Variants in CLDN14 observed in about 807,000 individuals in gnomAD.
CLDN14 encodes the protein claudin 14.
Under a neutral mutation model 2.1 loss-of-function variants are expected in CLDN14, and 2 were observed. The ratio of observed to expected loss-of-function variants is 0.96; its 90% CI spans 0.39 to 3.01. The LOEUF (loss-of-function observed/expected upper bound fraction) is 3.01. Among genes scored for constraint, CLDN14 ranks in the 30% most tolerant of loss-of-function variants. CLDN14 has a pLI of 0.09. For synonymous variants in CLDN14, 136 were observed against 154.4 expected (o/e 0.88, Z 0.88); for missense variants, 298 against 328.0 (o/e 0.91, Z 0.71).
At chr21:36,504,815 G>A (rs575401982) in intron 2 of CLDN14, among the ~76,000 whole-genome samples, 2 of 152,312 alleles carry the variant, frequency 1.3e-5, no homozygotes, top group East Asian at 3.9e-4. Flanking sequence ...GAAAGAGTAT[G>A]ACATCTTCTG....
At chr21:36,557,604 G>T (rs2087607937) in intron 1 of CLDN14, among the ~76,000 whole-genome samples, 1 of 152,150 alleles carries the variant, frequency 6.6e-6, no homozygotes, top group Non-Finnish European at 1.5e-5. Context: ...TATCTACTCA[G>T]GTCTTTTGCT....
rs1437270708 is a variant in CLDN14, at chr21:36,551,505, G to C, written c.-220+24906C>G. 6.6e-6 allele frequency among the ~76,000 whole-genome samples: 1 copy of C among 152,224 alleles called. No homozygotes were observed. The highest frequency in any genetic ancestry group is 1.5e-5 in the Non-Finnish European group (1 of 68,042). ...GGCTTTGGGCAGGGTGGCTGGCACAGGGTAGGGGTACCACAAATAACTGTT... is the reference window on the plus strand; with the variant it reads ...GGCTTTGGGCAGGGTGGCTGGCACACGGTAGGGGTACCACAAATAACTGTT... On this transcript the variant is annotated intron_variant, in intron 1 of 2. Coordinates refer to the CLDN14 transcript ENST00000342108. This position sits in a 1 kb window ranked among gnomAD's most constrained non-coding sequence, Gnocchi z 4.8.
At chr21:36,480,164 C>T (rs2086829857), upstream of CLDN14, 1 of 152,216 alleles carries the variant, frequency 6.6e-6, no homozygotes, top group South Asian at 2.1e-4. Context: ...TGCTATGGGC[C>T]CTAGATGCAT....
At chr21:36,485,384 T>C (rs1168348931) in intron 2 of CLDN14, among the ~76,000 whole-genome samples, 4 of 152,102 alleles carry the variant, frequency 2.6e-5, no homozygotes, top group African/African-American at 9.7e-5. Context: ...AATTTTTGTA[T>C]TTTTAGTAGA....
chr21:36,537,989 ATGTGTGTGTG>A (rs34437515), intron 1 of CLDN14, among the ~76,000 whole-genome samples: 9 of 149,174 alleles, frequency 6.0e-5, no homozygotes, highest in African/African-American at 2.2e-4. Context: ...TCAAAACAAA[ATGTGTGTGTG>A]TGTGTGTGTG....
chr21:36,492,431 A>G (rs1217580878), intron 2 of CLDN14, among the ~76,000 whole-genome samples: 1 of 50,514 alleles, frequency 2.0e-5, no homozygotes, highest in African/African-American at 8.9e-5. Flanking sequence ...ACAGAGCGAG[A>G]CTCCGTCCCA....
intron 2 of CLDN14, among the ~76,000 whole-genome samples, chr21:36,502,733 T>C (rs1482218265): frequency 2.0e-5 from 3 of 152,246 alleles, no homozygotes; most frequent in African/African-American, 7.2e-5. Flanking sequence ...AATGCTTTAA[T>C]AGATAGGGTT....
intron 2 of CLDN14, among the ~76,000 whole-genome samples, chr21:36,506,209 A>G (rs910228195): frequency 5.3e-5 from 8 of 152,254 alleles, no homozygotes; most frequent in Non-Finnish European, 1.0e-4. Flanking sequence ...ATGCTTCTGC[A>G]GTTACTGATA....
Position 36,490,679 on chromosome 21 carries a change from A to G in CLDN14, c.-82+19684T>C, listed in dbSNP as rs112047307. Among the ~76,000 whole-genome samples the G allele has an allele frequency of 4.4e-3, 661 of 151,650 alleles. 4 individuals carry two copies. The highest frequency in any genetic ancestry group is 0.014 in the African/African-American group (589 of 41,102). ...GCTGGGATTACAGGTGTAAGCCACC[A>G]TGCCTGGCCAAAAAATTTCTTTACT... On this transcript the variant is annotated intron_variant, in intron 2 of 2. Coordinates refer to the CLDN14 transcript ENST00000342108.
At chr21:36,522,657 C>A (rs985120471) in intron 1 of CLDN14, among the ~76,000 whole-genome samples, 1 of 152,234 alleles carries the variant, frequency 6.6e-6, no homozygotes, top group African/African-American at 2.4e-5. Context: ...ATGCGGCTGT[C>A]CCCGGAGCCC....
At chr21:36,500,332 G>A (rs773478159) in intron 2 of CLDN14, among the ~76,000 whole-genome samples, 2 of 152,188 alleles carry the variant, frequency 1.3e-5, no homozygotes, top group East Asian at 1.9e-4. Context: ...ACTGCAGCCC[G>A]AATAACAGTG....
At chr21:36,480,666 G>A (rs2086835001), upstream of CLDN14, 2 of 152,294 alleles carry the variant, frequency 1.3e-5, no homozygotes, top group South Asian at 4.1e-4. Flanking sequence ...TTTCAATTTT[G>A]AAAATCGTTG....
chr21:36,526,772 A>G (rs2087333889), intron 1 of CLDN14, among the ~76,000 whole-genome samples: 1 of 152,204 alleles, frequency 6.6e-6, no homozygotes, highest in African/African-American at 2.4e-5. Flanking sequence ...ATTATCATTA[A>G]TCTTCCCTCC....
intron 1 of CLDN14, among the ~76,000 whole-genome samples, chr21:36,524,238 G>A (rs913014741): frequency 6.6e-6 from 1 of 152,056 alleles, no homozygotes; most frequent in East Asian, 1.9e-4. Flanking sequence ...CTCCTGCTCA[G>A]CCTCCCAAGT....
intron 1 of CLDN14, among the ~76,000 whole-genome samples, chr21:36,524,330 C>T (rs1264549447): frequency 6.6e-6 from 1 of 152,168 alleles, no homozygotes; most frequent in East Asian, 1.9e-4. Context: ...CTATGTTACC[C>T]AGGCTGGTCA....
intron 1 of CLDN14, among the ~76,000 whole-genome samples, chr21:36,570,108 A>G (rs188667688): frequency 1.1e-4 from 16 of 152,320 alleles, no homozygotes; most frequent in Admixed American, 1.0e-3. Flanking sequence ...AACTCCGGGG[A>G]TGGCTTTCAG....
At chr21:36,484,123 G>A (rs549944492), upstream of CLDN14, among the ~76,000 whole-genome samples, 6 of 152,316 alleles carry the variant, frequency 3.9e-5, no homozygotes, top group East Asian at 1.2e-3. Flanking sequence ...AGAACCGTAG[G>A]CCTTGGGGCC....
chr21:36,543,080 G>T (rs1375801874), intron 1 of CLDN14, among the ~76,000 whole-genome samples: 1 of 152,222 alleles, frequency 6.6e-6, no homozygotes. Flanking sequence ...AATCCCAGCA[G>T]ATTTCAACAA....
rs572538830 is a variant in CLDN14, at chr21:36,544,917, C to T, written c.-220+31494G>A. Among the ~76,000 whole-genome samples, 21 of 152,300 alleles carry T rather than the reference C, an allele frequency of 1.4e-4. No individual in the cohort carries two copies. In the South Asian group the frequency reaches 2.1e-3, roughly 15 times the overall value. On this transcript the variant is annotated intron_variant, in intron 1 of 2. Coordinates refer to the CLDN14 transcript ENST00000342108. This position sits in a 1 kb window ranked among gnomAD's most constrained non-coding sequence, Gnocchi z 4.1. ...CTGTTATTAATCCTGGCTACTGCAG[C>T]GGGTGCCAATTGAAGTTTGCTTGCA...
Sources: gnomAD v4.1 joint callset for allele counts (sites outside exome capture counted in the v4.1 genomes callset) on GRCh38, gnomAD v4.1.1 for gene constraint, Gnocchi (gnomAD v3.1) non-coding constraint, MANE v1.5 for transcripts, NCBI Gene and HGNC (gene_info 2026-07-23, HGNC 2026-07-21) for gene names.